ACTN3: variants seen among roughly 807,000 people sequenced by gnomAD.
The protein encoded by ACTN3 is actinin alpha 3, also known as alpha-actinin-3.
Under a neutral mutation model 119.6 loss-of-function variants are expected in ACTN3, and 91 were observed. The ratio of observed to expected loss-of-function variants is 0.76; its 90% CI spans 0.64 to 0.91. The LOEUF is 0.91. Ranked by LOEUF, ACTN3 falls within the 40% of genes least tolerant of loss-of-function variation. The pLI is 0.00. For missense variants in ACTN3, 1,221 were observed against 1,215.1 expected (o/e 1.00, Z -0.07); for synonymous variants, 456 against 478.8 (o/e 0.95, Z 0.62).
At chr11:66,559,940 CCA>C in intron 12 of ACTN3, 26 bp from the exon 13 acceptor site, 1 of 1,566,106 alleles carries the variant, frequency 6.4e-7, no homozygotes, top group Non-Finnish European at 8.6e-7. Context: ...GGGGCTGGCC[CCA>C]CACTCGCCCT....
chr11:66,560,348 A>T, intron 14 of ACTN3, 37 bp downstream of exon 14: 1 of 1,588,748 alleles, frequency 6.3e-7, no homozygotes, highest in Non-Finnish European at 8.6e-7. Context: ...ATAGGATGAC[A>T]GGAAAGCTGG....
Position 66,561,453 on chromosome 11 carries a change from T to G in ACTN3, c.1996-5T>G. The G allele has an allele frequency of 6.2e-7, 1 of 1,600,052 alleles. No homozygotes were observed. The highest frequency in any genetic ancestry group is 8.5e-7 in the Non-Finnish European group (1 of 1,173,606). The stretch of plus-strand genomic sequence containing the variant: ...AGCCCTCATGCTGCCTGGGAACCCC[T>G]GCAGGAAGTGGGGCGGCTGGCAGCA... On this transcript the variant is annotated splice_polypyrimidine_tract_variant and splice_region_variant and intron_variant, in intron 16 of 20. Coordinates refer to ENST00000513398, the MANE Select transcript of ACTN3 (RefSeq NM_001104.4).
intron 9 of ACTN3, 96 bp downstream of exon 9, chr11:66,557,321 GCT>G: frequency 1.6e-6 from 2 of 1,217,614 alleles, no homozygotes; most frequent in Non-Finnish European, 1.2e-6. Flanking sequence ...GCCTCCCTCT[GCT>G]CAGAGTAGCC....
chr11:66,560,339 T>C lies in ACTN3; in HGVS notation c.1677+28T>C, dbSNP rs180947302. 6.3e-4 allele frequency: 1,004 copies of C among 1,600,752 alleles called. 17 individuals are homozygous for C. The East Asian group carries it at 0.02, about 31-fold the overall frequency. On this transcript the variant is annotated intron_variant, in intron 14 of 20. Coordinates refer to ENST00000513398, the MANE Select transcript of ACTN3 (RefSeq NM_001104.4). ...GGGTGCCAGGGTTGCAGGGGATGGA[T>C]AGGATGACAGGAAAGCTGGCCCCAA...
At chr11:66,554,206 G>A in intron 4 of ACTN3, 75 bp downstream of exon 4, 1 of 1,341,396 alleles carries the variant, frequency 7.5e-7, no homozygotes, top group Admixed American at 1.8e-5. Flanking sequence ...GGGAGGTCGA[G>A]GCGGGCAGAC....
At chr11:66,555,502 C>G (rs1292910029) in intron 7 of ACTN3, 135 bp downstream of exon 7, 2 of 850,148 alleles carry the variant, frequency 2.4e-6, no homozygotes, top group Non-Finnish European at 3.8e-6. Context: ...GGTCACAGTC[C>G]CCCTTCTCCA....
intron 7 of ACTN3, 46 bp downstream of exon 7, chr11:66,555,413 G>A: frequency 6.3e-7 from 1 of 1,596,160 alleles, no homozygotes; most frequent in Non-Finnish European, 8.6e-7. Flanking sequence ...TCTCCACACT[G>A]GGCCTGGTAC....
chr11:66,547,530 C>T (rs1037972564), intron 1 of ACTN3, among the ~76,000 whole-genome samples: 1 of 152,118 alleles, frequency 6.6e-6, no homozygotes, highest in African/African-American at 2.4e-5. Flanking sequence ...CACCCCACCT[C>T]GTCTCCAGGG....
intron 7 of ACTN3, 118 bp from the exon 8 acceptor site, chr11:66,556,027 G>A (rs781299711): frequency 3.0e-4 from 256 of 866,258 alleles, no homozygotes; most frequent in Non-Finnish European, 3.7e-4. Context: ...CTGGGCTTGG[G>A]TGGCTGGCTG....
At chr11:66,556,685 C>T (rs577684454) in intron 8 of ACTN3, among the ~76,000 whole-genome samples, 5 of 152,344 alleles carry the variant, frequency 3.3e-5, no homozygotes, top group Admixed American at 6.5e-5. Flanking sequence ...AACTCACCCA[C>T]CTCAGCCTCC....
chr11:66,559,870 C>T (rs1318594393), intron 12 of ACTN3, 98 bp from the exon 13 acceptor site: 1 of 1,244,556 alleles, frequency 8.0e-7, no homozygotes, highest in Non-Finnish European at 1.1e-6. Flanking sequence ...TCCCGCACGC[C>T]TTCACCCCCA....
At position 66,560,743 on chromosome 11, in the gene ACTN3, C is replaced by T; in HGVS notation, c.1848C>T (p.Thr616=). Residue 616 remains threonine, a synonymous_variant, in exon 15 of 21, where the codon ACC becomes ACT. Transcript: ENST00000513398. ...CCCTCAGCCCGCAGGACATCAACAC[C>T]AAGTGGGATATGGTCAGTGCCACCT... The part of the protein sequence containing the change: ...YITLSPQDIN[T]KWDMVRKLVP... 6.2e-7 allele frequency: 1 copy of T among 1,611,902 alleles called. No individual in the cohort carries two copies. The highest frequency in any genetic ancestry group is 8.5e-7 in the Non-Finnish European group (1 of 1,178,540).
In ACTN3 at chr11:66,561,375, T is replaced by C. The variant is rs751884908; in HGVS notation, c.1995+14T>C. ...GCGAAGGTGGAGGTAAGGGCTGGGATAGTGGGTCCAACCTGGGGGGATGGG... is the reference window on the plus strand; with the variant it reads ...GCGAAGGTGGAGGTAAGGGCTGGGACAGTGGGTCCAACCTGGGGGGATGGG... On this transcript the variant is annotated intron_variant, in intron 16 of 20. Coordinates refer to ENST00000513398, the MANE Select transcript of ACTN3 (RefSeq NM_001104.4). 5.0e-6 allele frequency: 8 copies of C among 1,608,526 alleles called. No homozygotes were observed. The highest frequency in any genetic ancestry group is 3.3e-5 in the Admixed American group (2 of 59,710).
Position 66,561,550 on chromosome 11 carries a change from G to T in ACTN3, c.2088G>T (p.Lys696Asn). ...AGGAGCAGAACATTATCAACTACAA[G>T]ACTAACATTGACCGGCTGGAGGGTG... ...RQQEQNIINY[K>N]TNIDRLEGDH... The change falls in exon 17 of 21, where the codon AAG becomes AAT. Residue 696 changes from lysine to asparagine, a missense_variant. Transcript: ENST00000513398. 2 of 1,612,360 alleles carry T rather than the reference G, an allele frequency of 1.2e-6. No homozygotes were observed. The highest frequency in any genetic ancestry group is 2.2e-5 in the South Asian group (2 of 90,678).
chr11:66,550,080 A>G (rs1039986130), intron 1 of ACTN3, among the ~76,000 whole-genome samples: 3 of 152,186 alleles, frequency 2.0e-5, no homozygotes, highest in African/African-American at 7.2e-5. Flanking sequence ...ACCTCCCAGG[A>G]GTATCTGCTT....
intron 1 of ACTN3, among the ~76,000 whole-genome samples, chr11:66,549,012 C>T (rs1857420603): frequency 6.6e-6 from 1 of 152,168 alleles, no homozygotes; most frequent in African/African-American, 2.4e-5. Flanking sequence ...CCTGAGGCTT[C>T]CCTGACTCTC....
At chr11:66,546,769 A>C, upstream of ACTN3, 2 of 1,534,162 alleles carry the variant, frequency 1.3e-6, no homozygotes, top group Non-Finnish European at 1.7e-6. Context: ...TCCCGGCTTC[A>C]GGACAACCCC....
At chr11:66,547,286 CAA>C (rs1016892600) in intron 1 of ACTN3, among the ~76,000 whole-genome samples, 1 of 152,154 alleles carries the variant, frequency 6.6e-6, no homozygotes, top group Non-Finnish European at 1.5e-5. Context: ...TTTAAAATGA[CAA>C]GAGAGTTTCT....
In ACTN3 at chr11:66,557,842, G is replaced by T. The variant is rs556150704; in HGVS notation, c.1041G>T (p.Gln347His). 1.2e-6 allele frequency: 2 copies of T among 1,614,116 alleles called. No individual in the cohort carries two copies. The highest frequency in any genetic ancestry group is 1.7e-6 in the Non-Finnish European group (2 of 1,180,042). Reference protein sequence around the residue: ...HKPPRIQEKCQLEINFNTLQT... With the variant: ...HKPPRIQEKCHLEINFNTLQT... ...CGCCCCGCATTCAGGAAAAGTGCCA[G>T]CTGGAGATCAACTTCAACACACTGC... Residue 347 changes from glutamine (Q) to histidine (H), a missense_variant, in exon 10 of 21, where the codon CAG becomes CAT. Physicochemically the swap from Gln to His is conservative, Grantham distance 24. Coordinates refer to ENST00000513398, the MANE Select transcript of ACTN3 (RefSeq NM_001104.4).
Sources: allele counts gnomAD v4.1 joint callset (sites outside exome capture counted in the v4.1 genomes callset), GRCh38; gene constraint gnomAD v4.1.1; transcripts MANE v1.5; gene names NCBI Gene and HGNC (gene_info 2026-07-23, HGNC 2026-07-21).